The following CLUL1 variants were observed in gnomAD, a reference collection of about 807,000 sequenced individuals.
The protein encoded by CLUL1 is clusterin-like protein 1.
A neutral mutation model predicts 49.4 loss-of-function variants in CLUL1; 43 were observed. The observed-to-expected ratio is 0.87, with a 90% CI of 0.68 to 1.12. The LOEUF (loss-of-function observed/expected upper bound fraction) is 1.12. Among genes scored for constraint, CLUL1 ranks in the 50% most tolerant of loss-of-function variants. The pLI, the probability that CLUL1 is intolerant of heterozygous loss-of-function variation, is 0.00. For synonymous variants in CLUL1, 192 were observed against 184.9 expected (o/e 1.04, Z -0.31); for missense variants, 486 against 544.4 (o/e 0.89, Z 1.07).
At chr18:644,734 A>G (rs7236459) in intron 8 of CLUL1, among the ~76,000 whole-genome samples, 176 bp from the exon 9 acceptor site, 21,284 of 152,232 alleles carry the variant, frequency 0.14, 1,763 homozygotes, top group East Asian at 0.26. Context: ...GAGCCCTTGT[A>G]ATGGACACAT....
chr18:600,355 G>A (rs977914074), intron 1 of CLUL1, among the ~76,000 whole-genome samples: 1 of 152,184 alleles, frequency 6.6e-6, no homozygotes, highest in African/African-American at 2.4e-5. Context: ...TTGCATATCA[G>A]GTTTCTACAG....
rs201948129 is a variant in CLUL1, at chr18:620,862, A to G, written c.255+1501A>G. On this transcript the variant is annotated intron_variant, in intron 4 of 9. Transcript: ENST00000692774. Reference sequence around the variant, plus strand: ...AATTAACATCACACTCAAAACAATGACTTTTTTAAAAAAGGTTATCTTCAA... The same window carrying G: ...AATTAACATCACACTCAAAACAATGGCTTTTTTAAAAAAGGTTATCTTCAA... Among the ~76,000 whole-genome samples, 5 of 152,222 alleles carry G rather than the reference A, an allele frequency of 3.3e-5. No individual in the cohort carries two copies. In the East Asian group the frequency reaches 9.6e-4, roughly 29 times the overall value.
chr18:644,971 T>C lies in CLUL1; in HGVS notation c.1271T>C (p.Leu424Ser), dbSNP rs1259501559. The part of the protein sequence containing the change: ...SKQDETMMTD[L>S]SILPSSNFTL... ...CAAGATGAAACAATGATGACAGACT[T>C]AAGCATTCTGCCTTCCTCTAATTTC... The change falls in exon 9 of 10, where the codon TTA becomes TCA. Residue 424 changes from leucine (L) to serine (S), a missense_variant. Leu to Ser is a moderately radical substitution (Grantham distance 145). Coordinates refer to ENST00000692774, the MANE Select transcript of CLUL1 (RefSeq NM_001393344.1). 1.2e-6 allele frequency: 2 copies of C among 1,613,736 alleles called. No individual in the cohort carries two copies. Among genetic ancestry groups the C allele is most frequent in the Non-Finnish European group, 1.7e-6 (2 of 1,179,744 alleles).
chr18:625,518 A>AACAC (rs3221054), intron 5 of CLUL1, among the ~76,000 whole-genome samples: 7,787 of 144,600 alleles, frequency 0.054, 437 homozygotes, highest in African/African-American at 0.15. Flanking sequence ...CCTTATGCAT[A>AACAC]ACACACACAC....
chr18:637,615 G>A (rs1430592747), intron 7 of CLUL1, among the ~76,000 whole-genome samples: 2 of 152,126 alleles, frequency 1.3e-5, no homozygotes, highest in Non-Finnish European at 1.5e-5. Context: ...TTTGGAAAGC[G>A]TTGCTCCAGG....
Position 627,263 on chromosome 18 carries a change from G to C in CLUL1, c.590G>C (p.Arg197Thr), listed in dbSNP as rs754701144. ...GTGGATGTGAATTCTCTCTTTAACA[G>C]GAGTTTTAACGTCTTCAGACAGATG... is the stretch of plus-strand genomic sequence containing the variant. ...LTVDVNSLFNRSFNVFRQMQQ... is the reference protein window; with the variant it reads ...LTVDVNSLFNTSFNVFRQMQQ... The change falls in exon 6 of 10, where the codon AGG (arginine) becomes ACG (threonine). Residue 197 changes from arginine to threonine, a missense_variant. Coordinates refer to ENST00000692774, the MANE Select transcript of CLUL1 (RefSeq NM_001393344.1). 6.2e-7 allele frequency: 1 copy of C among 1,613,996 alleles called. No homozygotes were observed. The highest frequency in any genetic ancestry group is 1.7e-5 in the Admixed American group (1 of 60,000).
At position 627,527 on chromosome 18, in the gene CLUL1, A is replaced by G; in HGVS notation, c.854A>G (p.Lys285Arg). Reference protein sequence around the residue: ...KAIEDLPKQDKAPDHGGLISK... With the variant: ...KAIEDLPKQDRAPDHGGLISK... ...ATAGAAGATTTACCAAAACAAGACA[A>G]AGGCAAGTATTAAAAGATTACTTTT... The change falls in exon 6 of 10, where the codon AAA becomes AGA. Residue 285 changes from lysine to arginine, a missense_variant and splice_region_variant. Physicochemically the swap from Lys to Arg is conservative, Grantham distance 26 (BLOSUM62 2). Transcript: ENST00000692774. 6.3e-7 allele frequency: 1 copy of G among 1,598,148 alleles called. No individual in the cohort carries two copies. Among genetic ancestry groups the G allele is most frequent in the South Asian group, 1.1e-5 (1 of 89,104 alleles).
At chr18:610,479 A>C (rs2073102217) in intron 2 of CLUL1, among the ~76,000 whole-genome samples, 1 of 152,122 alleles carries the variant, frequency 6.6e-6, no homozygotes, top group African/African-American at 2.4e-5. Flanking sequence ...GGAACTGTTG[A>C]AACTGAAATC....
intron 7 of CLUL1, among the ~76,000 whole-genome samples, chr18:634,031 T>C (rs1181398835): frequency 1.3e-5 from 2 of 152,178 alleles, no homozygotes; most frequent in Non-Finnish European, 2.9e-5. Context: ...GAGGACAAAA[T>C]CTCATTCTCA....
At chr18:648,515 C>T (rs1222725331) in intron 9 of CLUL1, among the ~76,000 whole-genome samples, 1 of 152,018 alleles carries the variant, frequency 6.6e-6, no homozygotes, top group Admixed American at 6.6e-5. Context: ...ACATTTTCTA[C>T]CTATTTTCTT....
intron 9 of CLUL1, among the ~76,000 whole-genome samples, chr18:645,742 A>G (rs61280520): frequency 1.8e-5 from 2 of 112,356 alleles, no homozygotes; most frequent in African/African-American, 3.6e-5. Flanking sequence ...TGCAGTGAGC[A>G]GAGATCGCGC....
intron 2 of CLUL1, among the ~76,000 whole-genome samples, chr18:611,048 A>C (rs1209444432): frequency 1.3e-5 from 2 of 151,824 alleles, no homozygotes; most frequent in African/African-American, 2.4e-5. Context: ...GGCCGGTCCC[A>C]AGTCCACTTC....
At chr18:603,657 CGT>C (rs1211940884) in intron 1 of CLUL1, among the ~76,000 whole-genome samples, 4 of 152,084 alleles carry the variant, frequency 2.6e-5, no homozygotes, top group African/African-American at 9.7e-5. Context: ...TAGATGCACT[CGT>C]GTGTGTGTAT....
intron 6 of CLUL1, among the ~76,000 whole-genome samples, chr18:629,688 A>T (rs1490722387): frequency 6.6e-6 from 1 of 152,186 alleles, no homozygotes; most frequent in African/African-American, 2.4e-5. Flanking sequence ...GTGAATGCAA[A>T]TAGTAAAGAC....
Position 645,070 on chromosome 18 carries a change from A to AG in CLUL1, c.1371dup (p.His458AlafsTer3). 6.2e-7 allele frequency: 1 copy of AG among 1,607,740 alleles called. No individual in the cohort carries two copies. On this transcript the variant is annotated frameshift_variant, in exon 9 of 10. Coordinates refer to ENST00000692774, the MANE Select transcript of CLUL1 (RefSeq NM_001393344.1). LOFTEE classifies it high-confidence loss of function. Reference sequence around the variant, plus strand: ...GGCTACGTAGTGGCAAAAGCTCTACAGCATTTTAAGGAACATTTTAAAACC... The same window carrying AG: ...GGCTACGTAGTGGCAAAAGCTCTACAGGCATTTTAAGGAACATTTTAAAACC...
rs1157861413 is a variant in CLUL1 at position 627,006 on chromosome 18, GGAAAGAAA to G, written c.424-74_424-67del. On this transcript the variant is annotated intron_variant, in intron 5 of 9. Transcript: ENST00000692774. ...AGGAAGGAAGGAAGGAAGGAAGGAA[GGAAAGAAA>G]GAAAGAAAGAAAGAAAAGAAAGAAA... The G allele has an allele frequency of 7.5e-3, 827 of 110,378 alleles. 329 individuals are homozygous for G. In the African/African-American group the frequency reaches 0.12, roughly 16 times the overall value. 6.8% of individuals were successfully genotyped at this position (110,378 alleles called of 1,614,324 possible).
At chr18:627,961 C>G (rs140707569) in intron 6 of CLUL1, among the ~76,000 whole-genome samples, 3 of 152,212 alleles carry the variant, frequency 2.0e-5, no homozygotes, top group Non-Finnish European at 2.9e-5. Context: ...GTAGCTGGGA[C>G]TACAGTTGTG....
At chr18:645,801 AAAAAAAAAAAT>A (rs2074466149) in intron 9 of CLUL1, among the ~76,000 whole-genome samples, 2 of 50,996 alleles carry the variant, frequency 3.9e-5, no homozygotes, top group Non-Finnish European at 7.4e-5. Flanking sequence ...TTAAAAAAAA[AAAAAAAAAAAT>A]ATATATATAT....
At chr18:649,371 A>G (rs2074609234) in intron 9 of CLUL1, among the ~76,000 whole-genome samples, 1 of 152,116 alleles carries the variant, frequency 6.6e-6, no homozygotes, top group Non-Finnish European at 1.5e-5. Context: ...TAGCATCCTA[A>G]GTGCCTGGAC....
Sources: allele counts gnomAD v4.1 joint callset (sites outside exome capture counted in the v4.1 genomes callset), GRCh38; gene constraint gnomAD v4.1.1; transcripts MANE v1.5; gene names NCBI Gene and HGNC (gene_info 2026-07-23, HGNC 2026-07-21).